Variants in IQCF1 observed in about 807,000 individuals in gnomAD.
IQCF1 encodes the protein IQ motif containing F1.
In IQCF1, 9 loss-of-function variants were observed where a neutral mutation model predicts 12.5. The ratio of observed to expected loss-of-function variants is 0.72; its 90% confidence interval spans 0.43 to 1.26. The LOEUF (loss-of-function observed/expected upper bound fraction) is 1.26, where lower values mean the gene tolerates loss of function less well. Ranked by LOEUF, IQCF1 falls within the 50% of genes most tolerant of loss-of-function variation. IQCF1 has a pLI of 0.00. For synonymous variants in IQCF1, 67 were observed against 96.2 expected, an observed-to-expected ratio of 0.70 and a Z score of 1.78; for missense variants, 252 against 257.4, an observed-to-expected ratio of 0.98 and a Z score of 0.14.
In IQCF1 at chr3:51,894,929, GCAAGGCCCTGAGTCCAGCAAGATCTC is replaced by G. The variant is rs745884765; in HGVS notation, c.553_578del (p.Glu185HisfsTer?). 2 of 1,614,158 alleles carry G rather than the reference GCAAGGCCCTGAGTCCAGCAAGATCTC, an allele frequency of 1.2e-6. No individual in the cohort carries two copies. Among genetic ancestry groups the G allele is most frequent in the East Asian group, 4.5e-5 (2 of 44,886 alleles). On this transcript the variant is annotated frameshift_variant, in exon 4 of 4. Transcript: ENST00000310914. LOFTEE classifies it high-confidence loss of function. Reference sequence around the variant, plus strand: ...AGAAGGGAATACACTCTGTCACAATGCAAGGCCCTGAGTCCAGCAAGATCTCCAGCTGGAGATGCAGCTGGTTGGCT... The same window carrying G: ...AGAAGGGAATACACTCTGTCACAATGCAGCTGGAGATGCAGCTGGTTGGCT...
At chr3:51,896,957 A>T in intron 2 of IQCF1, 63 bp from the exon 3 acceptor site, 2 of 1,271,968 alleles carry the variant, frequency 1.6e-6, no homozygotes, top group South Asian at 2.4e-5. Context: ...TTCTTAGCCC[A>T]GCACTGTTAG....
In IQCF1 at chr3:51,895,665, A is replaced by G. The variant is rs1439789117; in HGVS notation, c.172-329T>C. ...TGTGATATAGGGTCAAAGGGTTACC[A>G]TGTTCCACCCAGGCCTGATCCTTTC... On this transcript the variant is annotated intron_variant, in intron 3 of 3. Coordinates refer to ENST00000310914, the MANE Select transcript of IQCF1 (RefSeq NM_152397.3). This position sits in a 1 kb window ranked among gnomAD's most constrained non-coding sequence, Gnocchi z 4.8. Among the ~76,000 whole-genome samples, 1 of 152,180 alleles carries G rather than the reference A, an allele frequency of 6.6e-6. No individual in the cohort carries two copies. The highest frequency in any genetic ancestry group is 1.5e-5 in the Non-Finnish European group (1 of 68,026).
At position 51,895,459 on chromosome 3, in the gene IQCF1, T is replaced by C; in HGVS notation, c.172-123A>G. ...CTCTTTTTCTGGAATTCAGGAGCAC[T>C]GGGCAGGGCACTGGCTGGAACCAGA... On this transcript the variant is annotated intron_variant, in intron 3 of 3. Coordinates refer to ENST00000310914, the MANE Select transcript of IQCF1 (RefSeq NM_152397.3). This position sits in a 1 kb window ranked among gnomAD's most constrained non-coding sequence, Gnocchi z 4.8. 1 of 839,988 alleles carries C rather than the reference T, an allele frequency of 1.2e-6. No individual in the cohort carries two copies. Among genetic ancestry groups the C allele is most frequent in the Admixed American group, 2.9e-5 (1 of 34,668 alleles). The allele number at this position is 839,988 out of a possible 1,614,324, so 52.0% of individuals were successfully genotyped here.
At chr3:51,899,336 G>A (rs1257823007) in intron 2 of IQCF1, among the ~76,000 whole-genome samples, 1 of 152,156 alleles carries the variant, frequency 6.6e-6, no homozygotes. Flanking sequence ...AGAATTATCT[G>A]TGAAAGTCAT....
At position 51,900,980 on chromosome 3, in the gene IQCF1, C is replaced by T. The variant is rs1699068868; in HGVS notation, c.108+2005G>A. ...CTCTAAGCCTTCTTCCAAAACCTCT[C>T]ACATGGAACAATTGCTCCTCCTCCA... On this transcript the variant is annotated intron_variant, in intron 2 of 3. Coordinates refer to ENST00000310914, the MANE Select transcript of IQCF1 (RefSeq NM_152397.3). This position sits in a 1 kb window ranked among gnomAD's most constrained non-coding sequence, Gnocchi z 4.2. Among the ~76,000 whole-genome samples, 5 of 152,200 alleles carry T rather than the reference C, an allele frequency of 3.3e-5. No homozygotes were observed. The highest frequency in any genetic ancestry group is 3.3e-4 in the Admixed American group (5 of 15,278).
chr3:51,903,299 G>A lies in IQCF1; in HGVS notation c.-27C>T, dbSNP rs1309932068. On this transcript the variant is annotated 5_prime_UTR_variant, in exon 1 of 4. Transcript: ENST00000310914. ...GGTCACATATGGATTGATTGTAGATGGTTCAAATCCCCTCACATCTGTGTT... is the reference window on the plus strand; with the variant it reads ...GGTCACATATGGATTGATTGTAGATAGTTCAAATCCCCTCACATCTGTGTT... 2 of 1,613,528 alleles carry A rather than the reference G, an allele frequency of 1.2e-6. No individual in the cohort carries two copies. The highest frequency in any genetic ancestry group is 8.5e-7 in the Non-Finnish European group (1 of 1,179,584).
At position 51,894,901 on chromosome 3, in the gene IQCF1, T is replaced by A. The variant is rs1003031981; in HGVS notation, c.607A>T (p.Ile203Leu). The change falls in exon 4 of 4, where the codon ATA becomes TTA. Residue 203 changes from isoleucine (I) to leucine (L), a missense_variant. Coordinates refer to ENST00000310914, the MANE Select transcript of IQCF1 (RefSeq NM_152397.3). ...TGGAAAAGACCACTTCATTCCTTTA[T>A]TGAGAAGGGAATACACTCTGTCACA... ...CIVTECIPFS[I>L]KE 1.2e-6 allele frequency: 2 copies of A among 1,613,526 alleles called. No individual in the cohort carries two copies. Among genetic ancestry groups the A allele is most frequent in the Non-Finnish European group, 8.5e-7 (1 of 1,179,612 alleles).
chr3:51,895,300 T>C lies in IQCF1; in HGVS notation c.208A>G (p.Thr70Ala), dbSNP rs185630430. 9.2e-5 allele frequency: 148 copies of C among 1,612,810 alleles called. No homozygotes were observed. The South Asian group carries it at 1.1e-3, about 12-fold the overall frequency. ...ENQKKLSDKDTVATKIQAWWR... is the reference protein window; with the variant it reads ...ENQKKLSDKDAVATKIQAWWR... Reference sequence around the variant, plus strand: ...CAGGCCTGGATCTTGGTGGCTACCGTATCTTTGTCAGAGAGCTTCTTTTGG... The same window carrying C: ...CAGGCCTGGATCTTGGTGGCTACCGCATCTTTGTCAGAGAGCTTCTTTTGG... Residue 70 changes from threonine (T) to alanine (A), a missense_variant, in exon 4 of 4, where the codon ACG becomes GCG. Coordinates refer to ENST00000310914, the MANE Select transcript of IQCF1 (RefSeq NM_152397.3). This position sits in a 1 kb window ranked among gnomAD's most constrained non-coding sequence, Gnocchi z 4.8.
At chr3:51,902,471 A>C (rs1699085355) in intron 2 of IQCF1, among the ~76,000 whole-genome samples, 2 of 152,200 alleles carry the variant, frequency 1.3e-5, no homozygotes, top group African/African-American at 4.8e-5. Context: ...CTTGTAAAGC[A>C]ACCTTTTTCA....
intron 3 of IQCF1, 121 bp downstream of exon 3, chr3:51,896,711 A>ACG (rs150817790): frequency 2.9e-6 from 2 of 700,842 alleles, no homozygotes; most frequent in South Asian, 1.6e-5. Flanking sequence ...ACACACACAC[A>ACG]CGCACACACA....
At chr3:51,903,215 T>C in intron 1 of IQCF1, 55 bp downstream of exon 1, 2 of 1,609,200 alleles carry the variant, frequency 1.2e-6, no homozygotes, top group Non-Finnish European at 1.7e-6. Context: ...CCCTTCACCC[T>C]GAGAGATCTA....
intron 2 of IQCF1, among the ~76,000 whole-genome samples, chr3:51,901,410 C>G (rs1699073722): frequency 6.6e-6 from 1 of 152,232 alleles, no homozygotes; most frequent in Admixed American, 6.5e-5. Context: ...CTTAGCATTC[C>G]TTGGAGACCT....
At chr3:51,899,528 T>C (rs1699051212) in intron 2 of IQCF1, among the ~76,000 whole-genome samples, 1 of 152,228 alleles carries the variant, frequency 6.6e-6, no homozygotes, top group African/African-American at 2.4e-5. Context: ...TTACCTACAT[T>C]AAAAGGTTAA....
intron 2 of IQCF1, among the ~76,000 whole-genome samples, chr3:51,899,164 A>C (rs1459297936): frequency 6.6e-6 from 1 of 151,936 alleles, no homozygotes; most frequent in Non-Finnish European, 1.5e-5. Context: ...GGAAGTTCAC[A>C]TTGGAAAAGA....
rs2106639371 is a variant in IQCF1 at position 51,895,289 on chromosome 3, G to C, written c.219C>G (p.Thr73=). The C allele has an allele frequency of 6.2e-7, 1 of 1,614,040 alleles. No homozygotes were observed. The highest frequency in any genetic ancestry group is 1.6e-4 in the Middle Eastern group (1 of 6,062). The change falls in exon 4 of 4, where the codon ACC becomes ACG. Residue 73 remains threonine (T), a synonymous_variant. Coordinates refer to ENST00000310914, the MANE Select transcript of IQCF1 (RefSeq NM_152397.3). The surrounding 1 kb of genome is among the most constrained non-coding windows in gnomAD (Gnocchi z 4.8). ...KKLSDKDTVA[T]KIQAWWRGTL... ...TGCCCCGCCACCAGGCCTGGATCTT[G>C]GTGGCTACCGTATCTTTGTCAGAGA...
intron 2 of IQCF1, among the ~76,000 whole-genome samples, chr3:51,897,296 C>T (rs1334873316): frequency 6.6e-6 from 1 of 152,244 alleles, no homozygotes; most frequent in African/African-American, 2.4e-5. Flanking sequence ...AACCCCTTCC[C>T]CTCCCTTGTC....
At chr3:51,896,382 T>C (rs74979544) in intron 3 of IQCF1, among the ~76,000 whole-genome samples, 1 of 152,174 alleles carries the variant, frequency 6.6e-6, no homozygotes, top group African/African-American at 2.4e-5. Flanking sequence ...TTAAATGTAT[T>C]TGATTGATGT....
chr3:51,901,086 T>C (rs1194955027), intron 2 of IQCF1, among the ~76,000 whole-genome samples: 1 of 152,226 alleles, frequency 6.6e-6, no homozygotes, highest in African/African-American at 2.4e-5. Context: ...GATACCAAGA[T>C]GCAAATGTCT....
chr3:51,894,959 C>G lies in IQCF1; in HGVS notation c.549G>C (p.Gln183His). The stretch of plus-strand genomic sequence containing the variant: ...GCCCTGAGTCCAGCAAGATCTCCAG[C>G]TGGAGATGCAGCTGGTTGGCTGTGA... ...YRVTANQLHL[Q>H]LEILLDSGPC... is the part of the protein sequence containing the mutation. Residue 183 changes from glutamine to histidine, a missense_variant, in exon 4 of 4, where the codon CAG (glutamine) becomes CAC (histidine). Coordinates refer to ENST00000310914, the MANE Select transcript of IQCF1 (RefSeq NM_152397.3). 6.2e-7 allele frequency: 1 copy of G among 1,614,230 alleles called. No individual in the cohort carries two copies. The highest frequency in any genetic ancestry group is 8.5e-7 in the Non-Finnish European group (1 of 1,180,036).
Sources: gnomAD v4.1 joint callset for allele counts (sites outside exome capture counted in the v4.1 genomes callset) on GRCh38, gnomAD v4.1.1 for gene constraint, Gnocchi (gnomAD v3.1) non-coding constraint, MANE v1.5 for transcripts, NCBI Gene and HGNC (gene_info 2026-07-23, HGNC 2026-07-21) for gene names.